PCDHGA11: variants seen among roughly 807,000 people sequenced by gnomAD.
PCDHGA11 encodes the protein protocadherin gamma-A11.
A neutral mutation model predicts 60.4 loss-of-function variants in PCDHGA11; 39 were observed. The ratio of observed to expected loss-of-function variants is 0.65; its 90% CI spans 0.50 to 0.84. The LOEUF (loss-of-function observed/expected upper bound fraction) is 0.84. Among genes scored for constraint, PCDHGA11 ranks in the 40% least tolerant of loss-of-function variants. The probability of loss-of-function intolerance (pLI) is 0.00; values close to 1 mark genes in which losing one functional copy is unlikely to be tolerated. For missense variants in PCDHGA11, 1,165 were observed against 1,197.7 expected (o/e 0.97, Z 0.40); for synonymous variants, 533 against 510.3 (o/e 1.04, Z -0.60).
In PCDHGA11 at chr5:141,423,470, A is replaced by C. The variant is rs904433654; in HGVS notation, c.2243A>C (p.Gln748Pro). The part of the protein sequence containing the change: ...TSHFVGVDGV[Q>P]AFLQTYSHEV... Reference sequence around the variant, plus strand: ...CATTTTGTAGGCGTGGACGGGGTACAGGCTTTCCTGCAAACCTATTCCCAC... The same window carrying C: ...CATTTTGTAGGCGTGGACGGGGTACCGGCTTTCCTGCAAACCTATTCCCAC... Residue 748 changes from glutamine to proline, a missense_variant, in exon 1 of 4, where the codon CAG (glutamine) becomes CCG (proline). Gln to Pro is a moderately conservative substitution (Grantham distance 76). Coordinates refer to ENST00000398587, the MANE Select transcript of PCDHGA11 (RefSeq NM_018914.3). The C allele has an allele frequency of 3.3e-5, 54 of 1,613,884 alleles. No homozygotes were observed. The highest frequency in any genetic ancestry group is 4.3e-5 in the Non-Finnish European group (51 of 1,179,946).
chr5:141,477,315 C>G lies in PCDHGA11; in HGVS notation c.2434-17492C>G. 2 of 1,614,188 alleles carry G rather than the reference C, an allele frequency of 1.2e-6. No individual in the cohort carries two copies. Among genetic ancestry groups the G allele is most frequent in the African/African-American group, 2.7e-5 (2 of 75,042 alleles). On this transcript the variant is annotated intron_variant, in intron 1 of 3. Coordinates refer to ENST00000398587, the MANE Select transcript of PCDHGA11 (RefSeq NM_018914.3). The surrounding 1 kb of genome is among the most constrained non-coding windows in gnomAD (Gnocchi z 4.9). ...CCACCGGGTCTCCCTTTCAGCCTTA[C>G]TTCTTCCCTCAAGAATTACTTCACT...
At chr5:141,481,647 A>C (rs749515062) in intron 1 of PCDHGA11, among the ~76,000 whole-genome samples, 28 of 151,830 alleles carry the variant, frequency 1.8e-4, no homozygotes, top group African/African-American at 6.5e-4. Context: ...GTGAAACTTC[A>C]TCTCTACTAA....
rs189734474 is a variant in PCDHGA11, at chr5:141,512,858, G to T, written c.*1685G>T. 1 of 152,296 alleles carries T rather than the reference G, an allele frequency of 6.6e-6. No individual in the cohort carries two copies. The highest frequency in any genetic ancestry group is 1.9e-4 in the East Asian group (1 of 5,182). 9.4% of individuals were successfully genotyped at this position (152,296 alleles called of 1,614,324 possible). ...ACTTCTCCTATAAGCGCTTCTCTTC[G>T]CATAGTCACGTAGCTCCCACCCCAC... On this transcript the variant is annotated 3_prime_UTR_variant, in exon 4 of 4. Coordinates refer to ENST00000398587, the MANE Select transcript of PCDHGA11 (RefSeq NM_018914.3).
rs191188858 is a variant in PCDHGA11, at chr5:141,472,077, A to G, written c.2434-22730A>G. On this transcript the variant is annotated intron_variant, in intron 1 of 3. Transcript: ENST00000398587. ...GATTGACATGTCTGTGGTTATATCA[A>G]TGAGTACTATTATTATTCCCATTTT... 2.4e-3 allele frequency among the ~76,000 whole-genome samples: 365 copies of G among 152,346 alleles called. 2 individuals carry two copies. Among genetic ancestry groups the G allele is most frequent in the African/African-American group, 8.4e-3 (351 of 41,580 alleles).
chr5:141,501,945 T>C (rs1318749969), intron 2 of PCDHGA11, among the ~76,000 whole-genome samples: 1 of 152,106 alleles, frequency 6.6e-6, no homozygotes, highest in Non-Finnish European at 1.5e-5. Context: ...CACTGCTCCC[T>C]GTGACAGGTC....
At position 141,447,140 on chromosome 5, in the gene PCDHGA11, T is replaced by C. The variant is rs770212881; in HGVS notation, c.2433+23480T>C. ...ATGGATTTTTTTGTTTGTTTGTTTT[T>C]TGTTTTTGTTTTTGTTTAAGCGGGG... On this transcript the variant is annotated intron_variant, in intron 1 of 3. Coordinates refer to ENST00000398587, the MANE Select transcript of PCDHGA11 (RefSeq NM_018914.3). Among the ~76,000 whole-genome samples the C allele has an allele frequency of 6.6e-5, 10 of 152,158 alleles. 1 individual carries two copies. Among genetic ancestry groups the C allele is most frequent in the Non-Finnish European group, 1.2e-4 (8 of 68,042 alleles).
chr5:141,436,875 A>C (rs1182313546), intron 1 of PCDHGA11, among the ~76,000 whole-genome samples: 3 of 152,236 alleles, frequency 2.0e-5, no homozygotes, highest in African/African-American at 7.2e-5. Context: ...TTAGGCCATA[A>C]AAGATGGGGG....
chr5:141,430,017 CTTG>C (rs1203011013), intron 1 of PCDHGA11, among the ~76,000 whole-genome samples: 6 of 152,096 alleles, frequency 3.9e-5, no homozygotes, highest in African/African-American at 1.2e-4. Context: ...CACTTGGGTT[CTTG>C]TTAAGTGTGA....
chr5:141,461,058 T>C (rs1450016344), intron 1 of PCDHGA11, among the ~76,000 whole-genome samples: 2 of 152,010 alleles, frequency 1.3e-5, no homozygotes, highest in Admixed American at 1.3e-4. Context: ...CTTAGGTTGG[T>C]TTCACATTTT....
chr5:141,425,348 A>C (rs2096869744), intron 1 of PCDHGA11, among the ~76,000 whole-genome samples: 1 of 152,242 alleles, frequency 6.6e-6, no homozygotes, highest in Non-Finnish European at 1.5e-5. Context: ...GTTGGCTTTG[A>C]AATGTGATAT....
At chr5:141,463,526 A>G (rs989086820) in intron 1 of PCDHGA11, among the ~76,000 whole-genome samples, 1 of 131,914 alleles carries the variant, frequency 7.6e-6, no homozygotes, top group Non-Finnish European at 1.5e-5. Flanking sequence ...TCGGCTTACT[A>G]GAAACTCCGG....
At chr5:141,427,153 T>C (rs2096993361) in intron 1 of PCDHGA11, 1 of 456,886 alleles carries the variant, frequency 2.2e-6, no homozygotes, top group Non-Finnish European at 4.4e-6. Context: ...GGAAATATGT[T>C]TGTGCTAGAC....
chr5:141,500,400 G>A (rs2099799942), intron 2 of PCDHGA11, among the ~76,000 whole-genome samples: 1 of 151,666 alleles, frequency 6.6e-6, no homozygotes, highest in East Asian at 1.9e-4. Context: ...TAGTAGAGAC[G>A]GGGTTTCACC....
intron 1 of PCDHGA11, among the ~76,000 whole-genome samples, chr5:141,466,180 AT>A (rs922532578): frequency 6.6e-6 from 1 of 151,138 alleles, no homozygotes; most frequent in Admixed American, 6.6e-5. Context: ...TTTTATTTTT[AT>A]TTTTTTTCAG....
chr5:141,433,837 C>CAAAAAAAAAAAAAAA (rs56191208), intron 1 of PCDHGA11, among the ~76,000 whole-genome samples: 1 of 111,692 alleles, frequency 9.0e-6, no homozygotes. Flanking sequence ...AACTCTATCT[C>CAAAAAAAAAAAAAAA]AAAAAAAAAA....
intron 1 of PCDHGA11, among the ~76,000 whole-genome samples, chr5:141,447,063 G>C (rs762309557): frequency 6.6e-6 from 1 of 152,028 alleles, no homozygotes; most frequent in South Asian, 2.1e-4. Context: ...AATGTGTCAG[G>C]CTGTTTTAAT....
intron 1 of PCDHGA11, among the ~76,000 whole-genome samples, chr5:141,475,007 G>A (rs1017671344): frequency 2.0e-5 from 3 of 152,178 alleles, no homozygotes; most frequent in East Asian, 1.9e-4. Flanking sequence ...ATGCAGAAAA[G>A]TTAAGGCTCT....
Position 141,477,710 on chromosome 5 carries a change from G to A in PCDHGA11, c.2434-17097G>A, listed in dbSNP as rs747156156. ...GCCCCTAGACTATGAGGATCGGCGG[G>A]AATTTGAATTAACAGCTCATATCAG... On this transcript the variant is annotated intron_variant, in intron 1 of 3. Transcript: ENST00000398587. This position sits in a 1 kb window ranked among gnomAD's most constrained non-coding sequence, Gnocchi z 4.9. 2.5e-6 allele frequency: 4 copies of A among 1,613,918 alleles called. No homozygotes were observed. Among genetic ancestry groups the A allele is most frequent in the Middle Eastern group, 3.3e-4 (2 of 6,062 alleles).
At chr5:141,462,035 C>T (rs35674654) in intron 1 of PCDHGA11, among the ~76,000 whole-genome samples, 14,886 of 152,176 alleles carry the variant, frequency 0.098, 964 homozygotes, top group Non-Finnish European at 0.14. Context: ...GTTGGTCAGG[C>T]GGGTCTTGAA....
Sources: allele counts gnomAD v4.1 joint callset (sites outside exome capture counted in the v4.1 genomes callset), GRCh38; gene constraint gnomAD v4.1.1; non-coding constraint Gnocchi (gnomAD v3.1); transcripts MANE v1.5; gene names NCBI Gene and HGNC (gene_info 2026-07-23, HGNC 2026-07-21).